Variants in PTPRD observed in about 807,000 individuals in gnomAD.
PTPRD encodes receptor-type tyrosine-protein phosphatase delta.
A neutral mutation model predicts 214.5 loss-of-function variants in PTPRD; 34 were observed. The observed-to-expected ratio is 0.16, with a 90% confidence interval of 0.12 to 0.21. The LOEUF (loss-of-function observed/expected upper bound fraction) is 0.21. Ranked by LOEUF, PTPRD falls within the 10% of genes least tolerant of loss-of-function variation. PTPRD has a pLI of 1.00. For missense variants in PTPRD, 2,545 were observed against 2,398.7 expected (o/e 1.06, Z -1.27); for synonymous variants, 1,128 against 845.7 (o/e 1.33, Z -5.79).
At chr9:10,501,637 A>T (rs901537554) in intron 2 of PTPRD, among the ~76,000 whole-genome samples, 5 of 152,052 alleles carry the variant, frequency 3.3e-5, no homozygotes, top group Non-Finnish European at 7.4e-5. Context: ...ACTTGGGGGA[A>T]TTAGACAAAG....
chr9:9,241,363 A>G (rs10977606), intron 9 of PTPRD, among the ~76,000 whole-genome samples: 18,678 of 152,216 alleles, frequency 0.12, 1,429 homozygotes, highest in Non-Finnish European at 0.17. Flanking sequence ...ATGGCAATGT[A>G]GTTATTCACA....
intron 8 of PTPRD, among the ~76,000 whole-genome samples, chr9:9,493,027 C>T (rs752703667): frequency 2.0e-5 from 3 of 149,076 alleles, no homozygotes; most frequent in Admixed American, 1.4e-4. Context: ...CTCTCCCTCT[C>T]CTCAGGCTTC....
intron 3 of PTPRD, among the ~76,000 whole-genome samples, chr9:10,204,891 C>G (rs1392112577): frequency 2.0e-5 from 3 of 152,122 alleles, no homozygotes; most frequent in African/African-American, 7.2e-5. Flanking sequence ...GGACTTGTCT[C>G]TAAAATTATT....
intron 3 of PTPRD, among the ~76,000 whole-genome samples, chr9:10,327,491 A>G (rs547490337): frequency 6.6e-6 from 1 of 151,764 alleles, no homozygotes; most frequent in Non-Finnish European, 1.5e-5. Flanking sequence ...GAAAGATTTA[A>G]TAAAAATAAC....
intron 11 of PTPRD, among the ~76,000 whole-genome samples, chr9:8,782,258 T>G (rs890061966): frequency 6.6e-6 from 1 of 152,130 alleles, no homozygotes; most frequent in African/African-American, 2.4e-5. Flanking sequence ...ATGCCTCACT[T>G]TTTGCGGTGA....
chr9:10,343,750 G>T (rs1282785190), intron 2 of PTPRD, among the ~76,000 whole-genome samples: 1 of 151,910 alleles, frequency 6.6e-6, no homozygotes, highest in Admixed American at 6.6e-5. Context: ...TTATTTTCAT[G>T]TGTCTGTTGG....
chr9:9,173,661 A>G (rs1289722497), intron 10 of PTPRD, among the ~76,000 whole-genome samples: 1 of 152,144 alleles, frequency 6.6e-6, no homozygotes, highest in African/African-American at 2.4e-5. Context: ...AGACATATCT[A>G]AACATAGAAA....
intron 10 of PTPRD, among the ~76,000 whole-genome samples, chr9:9,026,700 C>A (rs1396531477): frequency 6.6e-6 from 1 of 151,886 alleles, no homozygotes; most frequent in Non-Finnish European, 1.5e-5. Context: ...GACATTAATG[C>A]TGAAGAAGCA....
intron 39 of PTPRD, among the ~76,000 whole-genome samples, chr9:8,374,360 A>C (rs138378762): frequency 6.6e-6 from 1 of 152,126 alleles, no homozygotes; most frequent in African/African-American, 2.4e-5. Context: ...AACTGTGAGC[A>C]TACAGACTGA....
At chr9:10,585,686 A>G (rs2073659012) in intron 2 of PTPRD, among the ~76,000 whole-genome samples, 1 of 145,186 alleles carries the variant, frequency 6.9e-6, no homozygotes, top group Non-Finnish European at 1.5e-5. Context: ...CAATCAAAGG[A>G]GCATTAGAGA....
rs556075819 is a variant in PTPRD, at chr9:8,664,360, G to A, written c.65-27516C>T. ...GGTTCAAAATTTTCTTAGTGAATAC[G>A]GACATTTTCCTATAGAGAACACAAG... On this transcript the variant is annotated intron_variant, in intron 12 of 45. Coordinates refer to ENST00000381196, the MANE Select transcript of PTPRD (RefSeq NM_002839.4). Among the ~76,000 whole-genome samples, 9 of 152,124 alleles carry A rather than the reference G, an allele frequency of 5.9e-5. No homozygotes were observed. In the South Asian group the frequency reaches 8.3e-4, roughly 14 times the overall value.
At chr9:9,469,439 G>A (rs892071655) in intron 8 of PTPRD, among the ~76,000 whole-genome samples, 1 of 152,204 alleles carries the variant, frequency 6.6e-6, no homozygotes, top group Non-Finnish European at 1.5e-5. Context: ...CGATGTACTT[G>A]GGTTCCAGAA....
At chr9:8,613,699 C>T (rs1238187965) in intron 14 of PTPRD, among the ~76,000 whole-genome samples, 1 of 152,250 alleles carries the variant, frequency 6.6e-6, no homozygotes, top group South Asian at 2.1e-4. Flanking sequence ...ATCTGCCACT[C>T]GCTGAGCCTG....
At chr9:8,562,038 A>C (rs1210149386) in intron 14 of PTPRD, among the ~76,000 whole-genome samples, 1 of 152,328 alleles carries the variant, frequency 6.6e-6, no homozygotes, top group South Asian at 2.1e-4. Context: ...CCTAATATCA[A>C]TTGGAAATGC....
chr9:10,538,246 AT>A (rs2135133814), intron 2 of PTPRD, among the ~76,000 whole-genome samples: 1 of 24,568 alleles, frequency 4.1e-5, no homozygotes, highest in African/African-American at 1.6e-4. Flanking sequence ...CATAAAATAA[AT>A]AAATAAATAA....
intron 12 of PTPRD, among the ~76,000 whole-genome samples, chr9:8,661,345 T>C (rs970782304): frequency 2.0e-5 from 3 of 151,928 alleles, no homozygotes; most frequent in Non-Finnish European, 4.4e-5. Context: ...TCAAAATCAG[T>C]CTCTTATTTC....
At chr9:9,235,611 T>C (rs2099966134) in intron 9 of PTPRD, among the ~76,000 whole-genome samples, 2 of 152,182 alleles carry the variant, frequency 1.3e-5, no homozygotes, top group African/African-American at 4.8e-5. Flanking sequence ...TGGTGTCCAA[T>C]AAGGGACACC....
Position 10,044,275 on chromosome 9 carries a change from G to A in PTPRD, c.-544-10485C>T, listed in dbSNP as rs937026338. 2.6e-5 allele frequency among the ~76,000 whole-genome samples: 4 copies of A among 151,750 alleles called. No individual in the cohort carries two copies. The East Asian group carries it at 7.7e-4, about 29-fold the overall frequency. ...ATACTTTCTGATTGAATAATACAGA[G>A]GACATAATAGATTATCATCAAATTT... On this transcript the variant is annotated intron_variant, in intron 3 of 45. Coordinates refer to ENST00000381196, the MANE Select transcript of PTPRD (RefSeq NM_002839.4).
intron 10 of PTPRD, among the ~76,000 whole-genome samples, chr9:9,170,811 C>G (rs184163836): frequency 3.3e-5 from 5 of 152,268 alleles, no homozygotes; most frequent in South Asian, 2.1e-4. Flanking sequence ...TTGTCAGCCC[C>G]AGACTTCCAA....
Sources: gnomAD v4.1 joint callset for allele counts (sites outside exome capture counted in the v4.1 genomes callset) on GRCh38, gnomAD v4.1.1 for gene constraint, MANE v1.5 for transcripts, NCBI Gene and HGNC (gene_info 2026-07-23, HGNC 2026-07-21) for gene names.